The following NEK11 variants were observed in gnomAD, a reference collection of about 807,000 sequenced individuals.
NEK11 encodes serine/threonine-protein kinase Nek11.
A neutral mutation model predicts 80.7 loss-of-function variants in NEK11; 72 were observed. That is an observed-to-expected ratio of 0.89 (90% CI 0.74 to 1.08). The LOEUF is 1.08. Ranked by LOEUF, NEK11 falls within the 50% of genes least tolerant of loss-of-function variation. The probability of loss-of-function intolerance (pLI) is 0.00; values close to 1 mark genes in which losing one functional copy is unlikely to be tolerated. For synonymous variants in NEK11, 251 were observed against 260.7 expected, an observed-to-expected ratio of 0.96 and a Z score of 0.36; for missense variants, 764 against 763.6, an observed-to-expected ratio of 1.00 and a Z score of -0.01.
At chr3:131,115,918 CTT>C (rs1240774660) in intron 5 of NEK11, among the ~76,000 whole-genome samples, 2 of 84,580 alleles carry the variant, frequency 2.4e-5, no homozygotes, top group Admixed American at 1.3e-4. Context: ...TTCTTTCTTT[CTT>C]TCTTTCTTTC....
At chr3:131,215,774 G>T (rs570575422) in intron 14 of NEK11, among the ~76,000 whole-genome samples, 60 of 152,178 alleles carry the variant, frequency 3.9e-4, no homozygotes, top group Non-Finnish European at 6.9e-4. Context: ...GTGGGGATTG[G>T]TGATGGTAGA....
At chr3:131,245,827 T>C (rs999114744) in intron 16 of NEK11, among the ~76,000 whole-genome samples, 2 of 152,040 alleles carry the variant, frequency 1.3e-5, no homozygotes, top group Non-Finnish European at 2.9e-5. Context: ...TTTTTTTGTT[T>C]GTTTGTTTGT....
intron 14 of NEK11, among the ~76,000 whole-genome samples, chr3:131,201,724 ATT>A (rs36116470): frequency 9.9e-5 from 15 of 151,146 alleles, no homozygotes; most frequent in African/African-American, 1.5e-4. Flanking sequence ...CCCTCCAGTC[ATT>A]TTTTTTTTTC....
At chr3:131,294,297 T>G (rs2096572051) in intron 17 of NEK11, among the ~76,000 whole-genome samples, 2 of 152,130 alleles carry the variant, frequency 1.3e-5, no homozygotes. Flanking sequence ...ACGTTAAAAT[T>G]TATCTTGAGA....
chr3:131,222,627 A>C (rs2107687862), intron 14 of NEK11, among the ~76,000 whole-genome samples: 1 of 152,364 alleles, frequency 6.6e-6, no homozygotes, highest in East Asian at 1.9e-4. Flanking sequence ...TGAAATATGT[A>C]GAAATAGTAT....
At chr3:131,222,467 T>C (rs757571014) in intron 14 of NEK11, among the ~76,000 whole-genome samples, 1 of 152,116 alleles carries the variant, frequency 6.6e-6, no homozygotes, top group Non-Finnish European at 1.5e-5. Context: ...CTTAGCTTTG[T>C]TCTTTTCTAT....
intron 5 of NEK11, among the ~76,000 whole-genome samples, chr3:131,126,118 T>G (rs1341952065): frequency 6.6e-6 from 1 of 152,236 alleles, no homozygotes; most frequent in African/African-American, 2.4e-5. Flanking sequence ...TCTTAAAGAC[T>G]TTGACTCCAA....
At chr3:131,119,576 A>T (rs568951847) in intron 5 of NEK11, among the ~76,000 whole-genome samples, 1 of 152,274 alleles carries the variant, frequency 6.6e-6, no homozygotes, top group Admixed American at 6.5e-5. Flanking sequence ...GGGATGTTAA[A>T]GTCTCCCATT....
chr3:131,051,710 G>C (rs2068445073), intron 3 of NEK11, among the ~76,000 whole-genome samples: 1 of 151,842 alleles, frequency 6.6e-6, no homozygotes, highest in South Asian at 2.1e-4. Context: ...TTTGATACAG[G>C]GTTTCAATGT....
chr3:131,046,681 A>G (rs1296830242), intron 3 of NEK11, among the ~76,000 whole-genome samples: 1 of 151,996 alleles, frequency 6.6e-6, no homozygotes, highest in Non-Finnish European at 1.5e-5. Context: ...TGCTGCACCT[A>G]TCAACTCCTC....
intron 5 of NEK11, among the ~76,000 whole-genome samples, chr3:131,123,528 A>C (rs184826651): frequency 6.6e-6 from 1 of 152,242 alleles, no homozygotes; most frequent in African/African-American, 2.4e-5. Flanking sequence ...CATAGAATTT[A>C]TTGTTCCATT....
At chr3:131,187,432 A>G (rs1455576068) in intron 14 of NEK11, among the ~76,000 whole-genome samples, 1 of 152,170 alleles carries the variant, frequency 6.6e-6, no homozygotes, top group African/African-American at 2.4e-5. Flanking sequence ...TTGATCTTAT[A>G]TTTCAACTTA....
At chr3:131,067,372 T>G (rs2072234784) in intron 3 of NEK11, among the ~76,000 whole-genome samples, 1 of 152,216 alleles carries the variant, frequency 6.6e-6, no homozygotes, top group Non-Finnish European at 1.5e-5. Context: ...ATATGTAAGT[T>G]GGAATTCTGT....
At chr3:131,115,917 TC>T (rs2080984467) in intron 5 of NEK11, among the ~76,000 whole-genome samples, 1 of 84,510 alleles carries the variant, frequency 1.2e-5, no homozygotes, top group South Asian at 4.2e-4. Context: ...TTTCTTTCTT[TC>T]TTTCTTTCTT....
intron 4 of NEK11, among the ~76,000 whole-genome samples, chr3:131,086,634 T>C (rs1412647898): frequency 6.6e-6 from 1 of 152,160 alleles, no homozygotes; most frequent in Admixed American, 6.6e-5. Flanking sequence ...TTAATTCCAT[T>C]TTACAGATGA....
intron 7 of NEK11, among the ~76,000 whole-genome samples, chr3:131,143,811 A>G (rs929230657): frequency 1.3e-5 from 2 of 152,100 alleles, no homozygotes; most frequent in African/African-American, 4.8e-5. Flanking sequence ...TTAGGTTAAT[A>G]CTCAATTCTA....
At chr3:131,144,189 G>T (rs2087628128) in intron 7 of NEK11, among the ~76,000 whole-genome samples, 1 of 152,134 alleles carries the variant, frequency 6.6e-6, no homozygotes, top group South Asian at 2.1e-4. Flanking sequence ...TTGGACAGAT[G>T]GCAAGTTTAT....
In NEK11 at chr3:131,152,524, G is replaced by A; in HGVS notation, c.784G>A (p.Ala262Thr). ...LPERYPKELN[A>T]IMESMLNKNP... ...TGAGAGATATCCAAAAGAACTAAAT[G>A]CCATCATGGAAAGGTATAGAAATAA... The change falls in exon 8 of 18, where the codon GCC (alanine) becomes ACC (threonine). Residue 262 changes from alanine (A) to threonine (T), a missense_variant. Transcript: ENST00000383366. 6.2e-7 allele frequency: 1 copy of A among 1,613,192 alleles called. No individual in the cohort carries two copies. The highest frequency in any genetic ancestry group is 8.5e-7 in the Non-Finnish European group (1 of 1,179,602).
At chr3:131,327,394 G>A (rs935804827) in intron 17 of NEK11, 1 of 152,262 alleles carries the variant, frequency 6.6e-6, no homozygotes, top group Admixed American at 6.5e-5. Flanking sequence ...ATGGGAGTTG[G>A]AGCCAGGCTG....
Sources: gnomAD v4.1 joint callset for allele counts (sites outside exome capture counted in the v4.1 genomes callset) on GRCh38, gnomAD v4.1.1 for gene constraint, MANE v1.5 for transcripts, NCBI Gene and HGNC (gene_info 2026-07-23, HGNC 2026-07-21) for gene names.